The following NOX5 variants were observed in gnomAD, a reference collection of about 807,000 sequenced individuals.
The protein encoded by NOX5 is NADPH oxidase 5, also known as NADPH oxidase, EF-hand calcium binding domain 5.
Under a neutral mutation model 85.7 loss-of-function variants are expected in NOX5, and 76 were observed. The observed-to-expected ratio is 0.89, with a 90% CI of 0.74 to 1.07. The LOEUF is 1.07. Among genes scored for constraint, NOX5 ranks in the 50% least tolerant of loss-of-function variants. NOX5 has a pLI of 0.00. For synonymous variants in NOX5, 405 were observed against 401.4 expected (o/e 1.01, Z -0.11); for missense variants, 973 against 999.5 (o/e 0.97, Z 0.36).
At chr15:69,026,072 C>A (rs2050353665) in intron 1 of NOX5, among the ~76,000 whole-genome samples, 1 of 152,182 alleles carries the variant, frequency 6.6e-6, no homozygotes, top group Non-Finnish European at 1.5e-5. Context: ...TTGCTCTGAG[C>A]CTATTTCTTC....
chr15:69,054,350 G>T (rs955820443), intron 14 of NOX5, among the ~76,000 whole-genome samples: 4 of 152,136 alleles, frequency 2.6e-5, no homozygotes, highest in African/African-American at 9.7e-5. Flanking sequence ...TGGCCTTGTG[G>T]GCTCCTTCGT....
rs770330811 is a variant in NOX5 at position 69,035,465 on chromosome 15, G to C, written c.967G>C (p.Gly323Arg). ...CCAGCTTATGGGCTACGTGGTAGTG[G>C]GGCTGTCCCTCGTGCACACCGTGGC... ...FHQLMGYVVV[G>R]LSLVHTVAHT... Residue 323 changes from glycine to arginine, a missense_variant, in exon 6 of 16, where the codon GGG becomes CGG. Gly to Arg is a moderately radical substitution (Grantham distance 125, BLOSUM62 -2). Transcript: ENST00000388866. The C allele has an allele frequency of 2.5e-6, 4 of 1,614,068 alleles. No individual in the cohort carries two copies. The South Asian group carries it at 3.3e-5, about 13-fold the overall frequency.
At chr15:69,045,065 G>C (rs765226358) in intron 10 of NOX5, among the ~76,000 whole-genome samples, 1 of 152,224 alleles carries the variant, frequency 6.6e-6, no homozygotes, top group Non-Finnish European at 1.5e-5. Context: ...TAAGGCTGAG[G>C]AAGGTGGGAC....
At chr15:69,027,283 A>G (rs1328029844) in intron 2 of NOX5, among the ~76,000 whole-genome samples, 1 of 152,116 alleles carries the variant, frequency 6.6e-6, no homozygotes, top group Non-Finnish European at 1.5e-5. Flanking sequence ...CACAGCAAAT[A>G]TGGGGAAGGA....
chr15:69,026,774 G>C, intron 2 of NOX5, 123 bp downstream of exon 2: 1 of 1,336,204 alleles, frequency 7.5e-7, no homozygotes, highest in Middle Eastern at 2.3e-4. Flanking sequence ...ACCTTGTAGC[G>C]GGCTGGCGGG....
rs149357463 is a variant in NOX5 at position 69,020,213 on chromosome 15, T to C, written c.50+5428T>C. ...TGTTATTTTATAACAGGTGTGACCA[T>C]TCCATCATGCTTATTGCAAATATTT... On this transcript the variant is annotated intron_variant, in intron 1 of 15. Coordinates refer to ENST00000388866, the MANE Select transcript of NOX5 (RefSeq NM_024505.4). 1.2e-3 allele frequency among the ~76,000 whole-genome samples: 187 copies of C among 152,330 alleles called. 3 individuals carry two copies. In the East Asian group the frequency reaches 0.034, roughly 28 times the overall value.
intron 1 of NOX5, among the ~76,000 whole-genome samples, chr15:69,021,441 C>T (rs966879075): frequency 5.9e-5 from 9 of 152,002 alleles, no homozygotes; most frequent in Admixed American, 1.3e-4. Flanking sequence ...CCTCAGCCTC[C>T]CCAGTAGCTG....
At chr15:69,048,938 C>G (rs1294885333) in intron 13 of NOX5, 21 bp from the exon 14 acceptor site, 1 of 1,592,004 alleles carries the variant, frequency 6.3e-7, no homozygotes, top group African/African-American at 1.3e-5. Context: ...AGCCTCTGAG[C>G]TGAAGGGCCT....
Position 69,035,523 on chromosome 15 carries a change from C to G in NOX5, c.1009+16C>G. The G allele has an allele frequency of 6.2e-7, 1 of 1,613,440 alleles. No individual in the cohort carries two copies. The highest frequency in any genetic ancestry group is 1.1e-5 in the South Asian group (1 of 90,958). ...GTGAACTTTGGTGAGTGATCTGGGG[C>G]AGGGTTGGGTCGGGGAGAAGCTTGA... On this transcript the variant is annotated intron_variant, in intron 6 of 15. Transcript: ENST00000388866.
chr15:69,026,492 C>A (rs776362167), intron 1 of NOX5, 36 bp from the exon 2 acceptor site: 1 of 1,613,352 alleles, frequency 6.2e-7, no homozygotes. Flanking sequence ...GCTTTGGCCA[C>A]CCCAAGCCCA....
At chr15:69,015,590 G>T (rs1204580627) in intron 1 of NOX5, among the ~76,000 whole-genome samples, 1 of 152,184 alleles carries the variant, frequency 6.6e-6, no homozygotes, top group East Asian at 1.9e-4. Context: ...GATCCGGGGT[G>T]CAGGTGAAAT....
intron 1 of NOX5, chr15:69,023,087 C>A: frequency 2.3e-6 from 1 of 427,436 alleles, no homozygotes; most frequent in Non-Finnish European, 4.5e-6. Context: ...TCAATAATAA[C>A]CCTGCAGACT....
chr15:69,056,291 A>T (rs1045068935), intron 15 of NOX5, among the ~76,000 whole-genome samples: 19 of 152,010 alleles, frequency 1.2e-4, no homozygotes, highest in Non-Finnish European at 2.8e-4. Context: ...CAGATCCTTG[A>T]GTGGAGGGCC....
chr15:69,046,522 AT>A (rs1192606723), intron 10 of NOX5, among the ~76,000 whole-genome samples: 1 of 152,128 alleles, frequency 6.6e-6, no homozygotes, highest in Non-Finnish European at 1.5e-5. Flanking sequence ...ATTTTCAGGA[AT>A]TTCATGAGCT....
At chr15:69,023,287 A>G (rs970925246) in intron 1 of NOX5, 36 of 244,712 alleles carry the variant, frequency 1.5e-4, no homozygotes, top group South Asian at 1.4e-3. Context: ...TCAGAGGGTA[A>G]GAAAAAGAAG....
At position 69,047,356 on chromosome 15, in the gene NOX5, G is replaced by A. The variant is rs34074377; in HGVS notation, c.1693-57G>A. 1.8e-4 allele frequency: 264 copies of A among 1,494,486 alleles called. 1 individual carries two copies. The African/African-American group carries it at 3.0e-3, about 17-fold the overall frequency. The allele number at this position is 1,494,486 out of a possible 1,614,324, so 92.6% of individuals were successfully genotyped here. On this transcript the variant is annotated intron_variant, in intron 11 of 15. Coordinates refer to ENST00000388866, the MANE Select transcript of NOX5 (RefSeq NM_024505.4). ...GAAGCCCTGGGGACATCCCCTGGTAGCAGGGGAGACCAGCGTCACCCCCCA... is the reference window on the plus strand; with the variant it reads ...GAAGCCCTGGGGACATCCCCTGGTAACAGGGGAGACCAGCGTCACCCCCCA...
rs1304232370 is a variant in NOX5, at chr15:69,037,030, G to A, written c.1191G>A (p.Val397=). 2 of 1,613,348 alleles carry A rather than the reference G, an allele frequency of 1.2e-6. No homozygotes were observed. Among genetic ancestry groups the A allele is most frequent in the Admixed American group, 3.3e-5 (2 of 59,998 alleles). ...GACTGCCCCCCCTACCCCCATAGGT[G>A]TTCTATTGGACTCACCTGTCCTACC... The part of the protein sequence containing the change: ...SCIRRSGHFE[V]FYWTHLSYLL... Residue 397 remains valine (V), a splice_region_variant and synonymous_variant, in exon 8 of 16, where the codon GTG becomes GTA. Transcript: ENST00000388866.
rs561123997 is a variant in NOX5 at position 69,039,341 on chromosome 15, A to G, written c.1504+352A>G. Among the ~76,000 whole-genome samples the G allele has an allele frequency of 2.6e-5, 4 of 151,444 alleles. No individual in the cohort carries two copies. In the East Asian group the frequency reaches 7.8e-4, roughly 29 times the overall value. ...AGAAGTAAAAACATGAGGACCTGGAAACTCAGAAGAGTCTTCTGTAACTAG... is the reference window on the plus strand; with the variant it reads ...AGAAGTAAAAACATGAGGACCTGGAGACTCAGAAGAGTCTTCTGTAACTAG... On this transcript the variant is annotated intron_variant, in intron 9 of 15. Coordinates refer to ENST00000388866, the MANE Select transcript of NOX5 (RefSeq NM_024505.4).
chr15:69,038,972 G>T lies in NOX5; in HGVS notation c.1487G>T (p.Ser496Ile), dbSNP rs900336435. The T allele has an allele frequency of 1.9e-6, 3 of 1,613,944 alleles. No individual in the cohort carries two copies. In the African/African-American group the frequency reaches 4.0e-5, roughly 22 times the overall value. Residue 496 changes from serine to isoleucine, a missense_variant, in exon 9 of 16, where the codon AGT becomes ATT. Transcript: ENST00000388866. ...GAGTGGCACCCCTTCACCATCAGCA[G>T]TGCTCCTGAGCAGAAAGGTAATGGC... is the stretch of plus-strand genomic sequence containing the variant. Reference protein sequence around the residue: ...RYEWHPFTISSAPEQKDTIWL... With the variant: ...RYEWHPFTISIAPEQKDTIWL...
Sources: gnomAD v4.1 joint callset for allele counts (sites outside exome capture counted in the v4.1 genomes callset) on GRCh38, gnomAD v4.1.1 for gene constraint, MANE v1.5 for transcripts, NCBI Gene and HGNC (gene_info 2026-07-23, HGNC 2026-07-21) for gene names.